Variants in TNKS observed in about 807,000 individuals in gnomAD.
TNKS encodes tankyrase, also known as poly [ADP-ribose] polymerase tankyrase-1.
A neutral mutation model predicts 135.8 loss-of-function variants in TNKS; 72 were observed. That is an observed-to-expected ratio of 0.53 (90% CI 0.44 to 0.64). The LOEUF (loss-of-function observed/expected upper bound fraction) is 0.64. Among genes scored for constraint, TNKS ranks in the 30% least tolerant of loss-of-function variants. The pLI, the probability that TNKS is intolerant of heterozygous loss-of-function variation, is 0.00. For synonymous variants in TNKS, 849 were observed against 649.3 expected, an observed-to-expected ratio of 1.31 and a Z score of -4.68; for missense variants, 1,769 against 1,674.0, an observed-to-expected ratio of 1.06 and a Z score of -0.99.
chr8:9,774,695 G>C lies in TNKS; in HGVS notation c.3898-1955G>C, dbSNP rs1808124204. ...CAGTAGCCTAATCATTAGGAACCGG[G>C]AGCATTTAGATAAGGACCTTTAAGG... On this transcript the variant is annotated intron_variant, in intron 26 of 26. Transcript: ENST00000310430. Among the ~76,000 whole-genome samples, 3 of 152,062 alleles carry C rather than the reference G, an allele frequency of 2.0e-5. No individual in the cohort carries two copies. In the South Asian group the frequency reaches 6.2e-4, roughly 32 times the overall value.
At chr8:9,582,410 A>G (rs1798200165) in intron 2 of TNKS, among the ~76,000 whole-genome samples, 1 of 152,198 alleles carries the variant, frequency 6.6e-6, no homozygotes, top group South Asian at 2.1e-4. Flanking sequence ...TGCCTAGATG[A>G]TGAAATACTG....
chr8:9,658,896 C>T (rs1801558493), intron 3 of TNKS, among the ~76,000 whole-genome samples: 2 of 152,078 alleles, frequency 1.3e-5, no homozygotes, highest in African/African-American at 2.4e-5. Context: ...GAAGATCTAC[C>T]AAGCAAATGG....
At chr8:9,558,466 C>G (rs548384157) in intron 1 of TNKS, 1 of 152,136 alleles carries the variant, frequency 6.6e-6, no homozygotes, top group Non-Finnish European at 1.5e-5. Flanking sequence ...TCTACTTTTG[C>G]ATACTTTATT....
intron 1 of TNKS, 64 bp from the exon 2 acceptor site, chr8:9,580,095 T>C (rs971209521): frequency 2.2e-6 from 3 of 1,367,284 alleles, no homozygotes; most frequent in Admixed American, 1.7e-5. Flanking sequence ...TTGTTACAGA[T>C]ATTCTAATGG....
Position 9,710,144 on chromosome 8 carries a change from T to G in TNKS, c.1673T>G (p.Phe558Cys). ...GANVNEKNKD[F>C]MTPLHVAAER... ...TCTTTCTTTCCTCTTTTCTGTAGTTTCATGACTCCCCTGCATGTTGCAGCC... is the reference window on the plus strand; with the variant it reads ...TCTTTCTTTCCTCTTTTCTGTAGTTGCATGACTCCCCTGCATGTTGCAGCC... Residue 558 changes from phenylalanine to cysteine, a missense_variant and splice_region_variant, in exon 11 of 27, where the codon TTC becomes TGC. Around this residue, in one of 5 missense-constraint regions of TNKS, gnomAD observed 523 missense variants for 541.0 expected, o/e 0.97. Transcript: ENST00000310430. The G allele has an allele frequency of 1.2e-6, 2 of 1,614,170 alleles. No individual in the cohort carries two copies. The highest frequency in any genetic ancestry group is 1.1e-5 in the South Asian group (1 of 91,090).
chr8:9,755,485 G>A (rs1482259054), intron 20 of TNKS, among the ~76,000 whole-genome samples: 1 of 152,092 alleles, frequency 6.6e-6, no homozygotes, highest in Non-Finnish European at 1.5e-5. Flanking sequence ...ACTGTGTCTG[G>A]CCCAATCATC....
intron 20 of TNKS, among the ~76,000 whole-genome samples, chr8:9,758,667 G>A (rs955832125): frequency 1.6e-4 from 25 of 152,158 alleles, no homozygotes; most frequent in Non-Finnish European, 3.4e-4. Context: ...GTCTCACCTG[G>A]GGACTCACCT....
At chr8:9,633,536 C>G (rs1398777970) in intron 3 of TNKS, among the ~76,000 whole-genome samples, 1 of 152,224 alleles carries the variant, frequency 6.6e-6, no homozygotes, top group Non-Finnish European at 1.5e-5. Flanking sequence ...CCCAATCAAC[C>G]TGTCTCCTAG....
rs1808379692 is a variant in TNKS at position 9,779,621 on chromosome 8, TA to T, written c.*2889del. ...CTTTCCTAAATTACTAGTCTGGAATTAAAATTAGCTCCAGCAATGACCTTTG... is the reference window on the plus strand; with the variant it reads ...CTTTCCTAAATTACTAGTCTGGAATTAAATTAGCTCCAGCAATGACCTTTG... On this transcript the variant is annotated 3_prime_UTR_variant, in exon 27 of 27. Coordinates refer to ENST00000310430, the MANE Select transcript of TNKS (RefSeq NM_003747.3). 6.6e-6 allele frequency: 1 copy of T among 152,176 alleles called. No homozygotes were observed. The allele number at this position is 152,176 out of a possible 1,614,324, so 9.4% of individuals were successfully genotyped here.
intron 3 of TNKS, among the ~76,000 whole-genome samples, chr8:9,652,421 T>C (rs1801181337): frequency 6.6e-6 from 1 of 152,216 alleles, no homozygotes; most frequent in African/African-American, 2.4e-5. Context: ...TTAGCCACTG[T>C]TTTATTAATG....
At position 9,610,074 on chromosome 8, in the gene TNKS, G is replaced by A. The variant is rs186945690; in HGVS notation, c.899-5508G>A. ...GGGTTTCACCTTGTTAGCCAGGGTG[G>A]TCTTGATCTCCTGACTTCGTGATAT... is the stretch of plus-strand genomic sequence containing the variant. On this transcript the variant is annotated intron_variant, in intron 2 of 26. Coordinates refer to ENST00000310430, the MANE Select transcript of TNKS (RefSeq NM_003747.3). Among the ~76,000 whole-genome samples, 286 of 152,176 alleles carry A rather than the reference G, an allele frequency of 1.9e-3. 1 individual carries two copies. Among genetic ancestry groups the A allele is most frequent in the African/African-American group, 6.6e-3 (274 of 41,524 alleles).
intron 1 of TNKS, among the ~76,000 whole-genome samples, chr8:9,566,766 G>T (rs1163643381): frequency 6.6e-6 from 1 of 151,154 alleles, no homozygotes; most frequent in African/African-American, 2.4e-5. Context: ...CCGCCACCGC[G>T]CCCGGCTAAT....
intron 7 of TNKS, 44 bp from the exon 8 acceptor site, chr8:9,706,767 A>G (rs1804066365): frequency 6.5e-7 from 1 of 1,540,050 alleles, no homozygotes; most frequent in Non-Finnish European, 8.7e-7. Flanking sequence ...TATTTGATCC[A>G]GCAAAATGAT....
At chr8:9,714,279 C>T (rs1804484065) in intron 11 of TNKS, among the ~76,000 whole-genome samples, 1 of 151,646 alleles carries the variant, frequency 6.6e-6, no homozygotes, top group African/African-American at 2.4e-5. Context: ...GCTAAATTTC[C>T]CTGAGTCTCA....
rs1044595561 is a variant in TNKS, at chr8:9,661,528, C to T, written c.995-18423C>T. ...AATGGTGCTGGGAAAACTGGCTAGC[C>T]GTATGGAGAAAGCTGAAACTGGATC... is the stretch of plus-strand genomic sequence containing the variant. On this transcript the variant is annotated intron_variant, in intron 3 of 26. Transcript: ENST00000310430. Among the ~76,000 whole-genome samples the T allele has an allele frequency of 9.2e-5, 14 of 151,888 alleles. No individual in the cohort carries two copies. The South Asian group carries it at 1.2e-3, about 14-fold the overall frequency.
chr8:9,715,272 T>C (rs1428615507), intron 11 of TNKS, among the ~76,000 whole-genome samples: 1 of 151,840 alleles, frequency 6.6e-6, no homozygotes, highest in Non-Finnish European at 1.5e-5. Flanking sequence ...TTAAAGTGGG[T>C]AATTTGATGA....
chr8:9,755,506 ATTTATT>A (rs893098550), intron 20 of TNKS, among the ~76,000 whole-genome samples: 12 of 152,180 alleles, frequency 7.9e-5, no homozygotes, highest in Admixed American at 7.9e-4. Context: ...AAGCAATCAA[ATTTATT>A]TTTATTTTAA....
intron 13 of TNKS, among the ~76,000 whole-genome samples, chr8:9,728,342 G>C (rs923911500): frequency 6.6e-6 from 1 of 152,188 alleles, no homozygotes; most frequent in Non-Finnish European, 1.5e-5. Flanking sequence ...ATTGTGAAAA[G>C]TAAGTAGGAA....
In TNKS at chr8:9,632,344, A is replaced by G. The variant is rs1332359594; in HGVS notation, c.994+16667A>G. Among the ~76,000 whole-genome samples, 2 of 152,352 alleles carry G rather than the reference A, an allele frequency of 1.3e-5. 1 individual carries two copies. The highest frequency in any genetic ancestry group is 4.1e-4 in the South Asian group (2 of 4,828). On this transcript the variant is annotated intron_variant, in intron 3 of 26. Coordinates refer to ENST00000310430, the MANE Select transcript of TNKS (RefSeq NM_003747.3). ...TACAGGAAAGTTTTAAAAAATACTA[A>G]GATGAATACCTGTATACTCTCGCAT...
Sources: gnomAD v4.1 joint callset for allele counts (sites outside exome capture counted in the v4.1 genomes callset) on GRCh38, gnomAD v4.1.1 for gene constraint, gnomAD v4.1.1 regional missense constraint, MANE v1.5 for transcripts, NCBI Gene and HGNC (gene_info 2026-07-23, HGNC 2026-07-21) for gene names.